The following LGSN variants were observed in gnomAD, a reference collection of about 807,000 sequenced individuals.
The protein encoded by LGSN is lengsin, lens protein with glutamine synthetase domain.
A neutral mutation model predicts 19.5 loss-of-function variants in LGSN; 21 were observed. The ratio of observed to expected loss-of-function variants is 1.07; its 90% CI spans 0.76 to 1.55. The LOEUF is 1.55. Ranked by LOEUF, LGSN falls within the 40% of genes most tolerant of loss-of-function variation. LGSN has a pLI of 0.00. For missense variants in LGSN, 673 were observed against 608.5 expected (o/e 1.11, Z -1.12); for synonymous variants, 257 against 215.6 (o/e 1.19, Z -1.68).
chr6:63,466,510 C>T, the LGSN span, among the ~76,000 whole-genome samples: 1 of 152,184 alleles, frequency 6.6e-6, no homozygotes, highest in African/African-American at 2.4e-5. Flanking sequence ...GGGAGAAACA[C>T]AGCACCAGAA....
At chr6:63,543,288 T>C in the LGSN span, among the ~76,000 whole-genome samples, 2 of 152,208 alleles carry the variant, frequency 1.3e-5, no homozygotes, top group Admixed American at 6.5e-5. Flanking sequence ...TCAACTAAAA[T>C]GAACCCTCCT....
chr6:63,464,834 CT>C, the LGSN span, among the ~76,000 whole-genome samples: 2 of 151,872 alleles, frequency 1.3e-5, no homozygotes, highest in African/African-American at 4.8e-5. Context: ...TGAGACCAGC[CT>C]GGCCAAAACA....
At chr6:63,391,732 G>A in the LGSN span, among the ~76,000 whole-genome samples, 1 of 152,162 alleles carries the variant, frequency 6.6e-6, no homozygotes, top group Non-Finnish European at 1.5e-5. Context: ...CTGATAGCGA[G>A]GCTTTTAGCT....
the LGSN span, among the ~76,000 whole-genome samples, chr6:63,330,265 T>C: frequency 6.6e-6 from 1 of 152,192 alleles, no homozygotes; most frequent in Admixed American, 6.5e-5. Context: ...GCCTGCTCCA[T>C]TTTCTGTCCT....
the LGSN span, among the ~76,000 whole-genome samples, chr6:63,459,097 T>C: frequency 4.6e-5 from 7 of 152,252 alleles, no homozygotes; most frequent in Non-Finnish European, 1.5e-5. Flanking sequence ...CCAAGTCTAT[T>C]GTTGTATTAT....
At chr6:63,495,100 C>T in the LGSN span, among the ~76,000 whole-genome samples, 57 of 152,028 alleles carry the variant, frequency 3.7e-4, 2 homozygotes, top group Non-Finnish European at 2.9e-5. Flanking sequence ...GTACTAGATA[C>T]TCTATAAATT....
At chr6:63,562,488 C>G in the LGSN span, among the ~76,000 whole-genome samples, 5 of 152,172 alleles carry the variant, frequency 3.3e-5, no homozygotes, top group African/African-American at 7.2e-5. Flanking sequence ...CGTGAGCCAC[C>G]TTGACTGGCA....
At chr6:63,358,864 A>C in the LGSN span, among the ~76,000 whole-genome samples, 2 of 152,126 alleles carry the variant, frequency 1.3e-5, no homozygotes, top group Admixed American at 6.6e-5. Flanking sequence ...AACTTCCAAC[A>C]CTATGTTGAA....
the LGSN span, among the ~76,000 whole-genome samples, chr6:63,465,978 T>C: frequency 6.6e-6 from 1 of 151,710 alleles, no homozygotes; most frequent in African/African-American, 2.4e-5. Context: ...ATTGCCTTGT[T>C]TGTTTGTCTG....
chr6:63,366,220 T>A, the LGSN span, among the ~76,000 whole-genome samples: 1 of 152,218 alleles, frequency 6.6e-6, no homozygotes, highest in Non-Finnish European at 1.5e-5. Flanking sequence ...CTCCTTAAGC[T>A]GATAAGCAAC....
At chr6:63,409,479 T>C in the LGSN span, among the ~76,000 whole-genome samples, 1 of 152,232 alleles carries the variant, frequency 6.6e-6, no homozygotes, top group Admixed American at 6.5e-5. Flanking sequence ...AACCAATTTA[T>C]ATTTTGCTAA....
chr6:63,381,794 G>T, the LGSN span, among the ~76,000 whole-genome samples: 1 of 152,182 alleles, frequency 6.6e-6, no homozygotes, highest in Non-Finnish European at 1.5e-5. Context: ...GCAAGCAATG[G>T]AGCTCAGAAA....
At position 63,277,706 on chromosome 6, in the gene LGSN, T is replaced by C. The variant is rs1359438692; in HGVS notation, c.*2315A>G. On this transcript the variant is annotated 3_prime_UTR_variant, in exon 4 of 4. Transcript: ENST00000370657. ...TCCCAAGGACATAATCCTAGCCACA[T>C]TATCTGTAGGCCACTCAGCAGGAAG... 6.6e-6 allele frequency: 1 copy of C among 152,218 alleles called. No individual in the cohort carries two copies. Among genetic ancestry groups the C allele is most frequent in the Non-Finnish European group, 1.5e-5 (1 of 68,140 alleles). 9.4% of individuals were successfully genotyped at this position (152,218 alleles called of 1,614,324 possible). A position where few individuals can be genotyped will look rare whatever the true frequency, so the allele number is the denominator to read the frequency against.
the LGSN span, among the ~76,000 whole-genome samples, chr6:63,486,682 C>CTTTTTTTTTTTTTTT: frequency 8.6e-6 from 1 of 115,850 alleles, no homozygotes; most frequent in African/African-American, 3.3e-5. Context: ...TTATTTTCTT[C>CTTTTTTTTTTTTTTT]TTTTTTTTTT....
intron 2 of LGSN, chr6:63,293,964 C>A: frequency 2.9e-6 from 1 of 350,744 alleles, no homozygotes; most frequent in Non-Finnish European, 5.6e-6. Context: ...CTAGCAGTGA[C>A]ATATTAAATG....
chr6:63,470,031 A>G, the LGSN span, among the ~76,000 whole-genome samples: 2 of 152,114 alleles, frequency 1.3e-5, no homozygotes, highest in African/African-American at 2.4e-5. Context: ...TATTGTTTTA[A>G]TTTATAATTA....
the LGSN span, among the ~76,000 whole-genome samples, chr6:63,470,315 T>A: frequency 6.6e-6 from 1 of 151,140 alleles, no homozygotes; most frequent in African/African-American, 2.4e-5. Context: ...TAAAAAAAAA[T>A]ATACAAAAAT....
chr6:63,503,772 C>T, the LGSN span, among the ~76,000 whole-genome samples: 4 of 151,930 alleles, frequency 2.6e-5, no homozygotes, highest in African/African-American at 4.8e-5. Flanking sequence ...AAAAATTAGC[C>T]GGGGACAGTG....
At chr6:63,412,789 G>C in the LGSN span, among the ~76,000 whole-genome samples, 1 of 139,238 alleles carries the variant, frequency 7.2e-6, no homozygotes, top group Admixed American at 7.4e-5. Context: ...GGGAAGGAAG[G>C]AAAGAAAGGA....
Sources: gnomAD v4.1 joint callset for allele counts (sites outside exome capture counted in the v4.1 genomes callset) on GRCh38, gnomAD v4.1.1 for gene constraint, MANE v1.5 for transcripts, NCBI Gene and HGNC (gene_info 2026-07-23, HGNC 2026-07-21) for gene names.